LIPG: variants seen among roughly 807,000 people sequenced by gnomAD.
LIPG encodes lipase G, endothelial type, also known as endothelial lipase.
Under a neutral mutation model 51.8 loss-of-function variants are expected in LIPG, and 34 were observed. The observed-to-expected ratio is 0.66, with a 90% confidence interval of 0.50 to 0.87. The LOEUF is 0.87. Ranked by LOEUF, LIPG falls within the 40% of genes least tolerant of loss-of-function variation. The probability of loss-of-function intolerance (pLI) is 0.00; values close to 1 mark genes in which losing one functional copy is unlikely to be tolerated. For synonymous variants in LIPG, 246 were observed against 246.1 expected (o/e 1.00, Z 0.00); for missense variants, 580 against 652.7 (o/e 0.89, Z 1.21).
In LIPG at chr18:49,569,520, C is replaced by T. The variant is rs778959163; in HGVS notation, c.543C>T (p.Phe181=). 20 of 1,614,014 alleles carry T rather than the reference C, an allele frequency of 1.2e-5. No individual in the cohort carries two copies. The highest frequency in any genetic ancestry group is 1.5e-5 in the Non-Finnish European group (18 of 1,180,008). ...GAHVAGYAGN[F]VKGTVGRITG... ...ACGTGGCCGGGTATGCAGGCAACTTCGTGAAAGGAACGGTGGGCCGAATCA... is the reference window on the plus strand; with the variant it reads ...ACGTGGCCGGGTATGCAGGCAACTTTGTGAAAGGAACGGTGGGCCGAATCA... Residue 181 remains phenylalanine, a synonymous_variant, in exon 4 of 10, where the codon TTC becomes TTT. Coordinates refer to ENST00000261292, the MANE Select transcript of LIPG (RefSeq NM_006033.4).
intron 1 of LIPG, 31 bp downstream of exon 1, chr18:49,562,436 C>T (rs2084560747): frequency 2.5e-6 from 4 of 1,579,936 alleles, no homozygotes; most frequent in Non-Finnish European, 3.5e-6. Flanking sequence ...TTCCCCCCAG[C>T]CACTTCTCTG....
upstream of LIPG, chr18:49,561,506 G>T: frequency 2.4e-6 from 1 of 425,514 alleles, no homozygotes. Flanking sequence ...CAGCCCCTTA[G>T]CTCCGCCGGG....
rs771103068 is a variant in LIPG at position 49,581,542 on chromosome 18, C to A, written c.921C>A (p.Ile307=). ...ACTCCAATCGCTTCAAAAAGGGGATCTGTCTGAGCTGCCGCAAGAACCGTT... is the reference window on the plus strand; with the variant it reads ...ACTCCAATCGCTTCAAAAAGGGGATATGTCTGAGCTGCCGCAAGAACCGTT... ...CTDSNRFKKG[I]CLSCRKNRCN... The change falls in exon 6 of 10, where the codon ATC becomes ATA. Residue 307 remains isoleucine (I), a synonymous_variant. Coordinates refer to ENST00000261292, the MANE Select transcript of LIPG (RefSeq NM_006033.4). 1.2e-6 allele frequency: 2 copies of A among 1,614,104 alleles called. No homozygotes were observed. Among genetic ancestry groups the A allele is most frequent in the African/African-American group, 2.7e-5 (2 of 74,926 alleles).
At chr18:49,579,764 CTTTCTTTTCTTTTCT>C (rs60357456) in intron 5 of LIPG, among the ~76,000 whole-genome samples, 3,892 of 112,092 alleles carry the variant, frequency 0.035, 154 homozygotes, top group East Asian at 0.19. Context: ...CTTTCCTTTC[CTTTCTTTTCTTTTCT>C]TTTCTTTTCT....
In LIPG at chr18:49,583,781, G is replaced by A. The variant is rs1199208515; in HGVS notation, c.1376+7G>A. On this transcript the variant is annotated splice_region_variant and intron_variant, in intron 8 of 9. Transcript: ENST00000261292. ...CTGGGGAAACCCAGCGGAAGTAAGT[G>A]CCTCCTGCTCCTTCTTCTGCCTGGT... The A allele has an allele frequency of 4.4e-6, 7 of 1,606,052 alleles. No homozygotes were observed. The highest frequency in any genetic ancestry group is 5.9e-6 in the Non-Finnish European group (7 of 1,176,540).
chr18:49,583,477 CT>C, intron 7 of LIPG, 78 bp from the exon 8 acceptor site: 1 of 1,153,604 alleles, frequency 8.7e-7, no homozygotes, highest in Non-Finnish European at 1.3e-6. Flanking sequence ...GGGGTTGTTA[CT>C]GCCACTGTGT....
chr18:49,594,968 G>C lies in LIPG; in HGVS notation c.*4446G>C, dbSNP rs2143992005. On this transcript the variant is annotated 3_prime_UTR_variant, in exon 10 of 10. Coordinates refer to ENST00000261292, the MANE Select transcript of LIPG (RefSeq NM_006033.4). ...ACTGCAAGTGCCTTCTTTGGCTTGG[G>C]GGTTCAGTTACTAGTTAGAGTCAGG... is the stretch of plus-strand genomic sequence containing the variant. The C allele has an allele frequency of 6.6e-6, 1 of 152,322 alleles. No homozygotes were observed. The highest frequency in any genetic ancestry group is 2.4e-5 in the African/African-American group (1 of 41,556). 9.4% of individuals were successfully genotyped at this position (152,322 alleles called of 1,614,324 possible).
rs777249823 is a variant in LIPG, at chr18:49,581,411, C to A, written c.794-4C>A. On this transcript the variant is annotated splice_region_variant and splice_polypyrimidine_tract_variant and intron_variant, in intron 5 of 9. Coordinates refer to ENST00000261292, the MANE Select transcript of LIPG (RefSeq NM_006033.4). ...TGCATGCTTTTTATCTCTCCCACCCCCAGCAATCACAGAGGTGGTAAAATG... is the reference window on the plus strand; with the variant it reads ...TGCATGCTTTTTATCTCTCCCACCCACAGCAATCACAGAGGTGGTAAAATG... 16 of 1,614,212 alleles carry A rather than the reference C, an allele frequency of 9.9e-6. No individual in the cohort carries two copies. The highest frequency in any genetic ancestry group is 1.3e-5 in the Non-Finnish European group (15 of 1,180,054).
chr18:49,572,717 T>G (rs1600549581), intron 4 of LIPG, among the ~76,000 whole-genome samples: 6 of 119,198 alleles, frequency 5.0e-5, no homozygotes, highest in African/African-American at 1.4e-4. Context: ...GGCAACAGAG[T>G]GAGACCCTGT....
intron 1 of LIPG, among the ~76,000 whole-genome samples, chr18:49,564,217 T>C (rs1326610536): frequency 6.6e-6 from 1 of 152,206 alleles, no homozygotes; most frequent in Non-Finnish European, 1.5e-5. Context: ...TGAGATAAAT[T>C]AACTCCAAGA....
At chr18:49,569,975 G>A (rs2084646571) in intron 4 of LIPG, among the ~76,000 whole-genome samples, 1 of 152,224 alleles carries the variant, frequency 6.6e-6, no homozygotes. Context: ...CTCAAGAGCG[G>A]AAGCTGGATA....
intron 8 of LIPG, among the ~76,000 whole-genome samples, chr18:49,584,606 C>T (rs962052072): frequency 2.0e-5 from 3 of 152,188 alleles, no homozygotes; most frequent in Admixed American, 2.0e-4. Context: ...ATTATAATTC[C>T]TGCCATGTCT....
At chr18:49,572,758 C>A (rs955203799) in intron 4 of LIPG, among the ~76,000 whole-genome samples, 1 of 149,698 alleles carries the variant, frequency 6.7e-6, no homozygotes, top group South Asian at 2.1e-4. Context: ...AAAAAGTAGC[C>A]GTTGAACTAC....
chr18:49,582,786 G>A (rs2084835305), intron 7 of LIPG, among the ~76,000 whole-genome samples: 1 of 152,264 alleles, frequency 6.6e-6, no homozygotes. Flanking sequence ...GGCAATGCCT[G>A]ACGATGCTTC....
intron 3 of LIPG, among the ~76,000 whole-genome samples, chr18:49,568,335 G>A (rs1027003681): frequency 8.0e-5 from 12 of 150,522 alleles, no homozygotes; most frequent in Admixed American, 7.9e-4. Flanking sequence ...CAGCCTGCCT[G>A]ATACCTCTTT....
chr18:49,583,477 C>T (rs2084846069), intron 7 of LIPG, 79 bp from the exon 8 acceptor site: 6 of 1,153,604 alleles, frequency 5.2e-6, no homozygotes, highest in East Asian at 2.3e-5. Flanking sequence ...GGGGTTGTTA[C>T]TGCCACTGTG....
chr18:49,566,883 G>A (rs570911670), intron 2 of LIPG, among the ~76,000 whole-genome samples: 5 of 152,294 alleles, frequency 3.3e-5, no homozygotes, highest in South Asian at 2.1e-4. Flanking sequence ...AACAGACAGT[G>A]GGGCAACAGT....
Position 49,587,508 on chromosome 18 carries a change from G to A in LIPG, c.1481+658G>A, listed in dbSNP as rs113566551. On this transcript the variant is annotated intron_variant, in intron 9 of 9. Transcript: ENST00000261292. ...GGTATGAACCTGGGAGGAAGAGCTTGCAGTGAGCTGAGATTGCACCACTGC... is the reference window on the plus strand; with the variant it reads ...GGTATGAACCTGGGAGGAAGAGCTTACAGTGAGCTGAGATTGCACCACTGC... Among the ~76,000 whole-genome samples, 311 of 138,438 alleles carry A rather than the reference G, an allele frequency of 2.2e-3. 1 individual carries two copies. The highest frequency in any genetic ancestry group is 8.1e-3 in the African/African-American group (293 of 36,048). The allele number at this position is 138,438 out of a possible 152,430, so 90.8% of individuals were successfully genotyped here.
intron 9 of LIPG, 71 bp from the exon 10 acceptor site, chr18:49,590,427 ACAC>A: frequency 6.6e-7 from 1 of 1,512,702 alleles, no homozygotes; most frequent in Non-Finnish European, 9.0e-7. Flanking sequence ...TCAAAAGAGC[ACAC>A]CCTGAATACA....
Sources: allele counts gnomAD v4.1 joint callset (sites outside exome capture counted in the v4.1 genomes callset), GRCh38; gene constraint gnomAD v4.1.1; transcripts MANE v1.5; gene names NCBI Gene and HGNC (gene_info 2026-07-23, HGNC 2026-07-21).